The following SMCHD1 variants were observed in gnomAD, a reference collection of about 807,000 sequenced individuals.
SMCHD1 encodes the protein structural maintenance of chromosomes flexible hinge domain-containing protein 1.
In SMCHD1, 78 loss-of-function variants were observed where a neutral mutation model predicts 254.7. The observed-to-expected ratio is 0.31, with a 90% CI of 0.26 to 0.37. The LOEUF is 0.37. Ranked by LOEUF, SMCHD1 falls within the 10% of genes least tolerant of loss-of-function variation. SMCHD1 has a pLI of 1.00. For missense variants in SMCHD1, 1,840 were observed against 2,408.1 expected (o/e 0.76, Z 4.94); for synonymous variants, 766 against 794.9 (o/e 0.96, Z 0.61).
At chr18:2,683,521 G>A (rs545694592) in intron 5 of SMCHD1, among the ~76,000 whole-genome samples, 93 of 152,172 alleles carry the variant, frequency 6.1e-4, no homozygotes, top group African/African-American at 2.2e-3. Context: ...CATTTGTTGC[G>A]TTTTATGATC....
intron 30 of SMCHD1, 74 bp from the exon 31 acceptor site, chr18:2,749,969 T>C: frequency 7.7e-7 from 1 of 1,295,482 alleles, no homozygotes; most frequent in South Asian, 1.4e-5. Flanking sequence ...GGAAAGAACA[T>C]TGTAATGGAA....
At chr18:2,740,284 T>C (rs1167705431) in intron 27 of SMCHD1, among the ~76,000 whole-genome samples, 1 of 152,198 alleles carries the variant, frequency 6.6e-6, no homozygotes, top group Non-Finnish European at 1.5e-5. Flanking sequence ...TATGGCTGCA[T>C]AGTATTCCAT....
At chr18:2,749,398 G>C (rs1055827837) in intron 30 of SMCHD1, among the ~76,000 whole-genome samples, 1 of 152,154 alleles carries the variant, frequency 6.6e-6, no homozygotes, top group Non-Finnish European at 1.5e-5. Context: ...TTTGCTTCCA[G>C]TAGAGTTAGA....
chr18:2,748,136 G>C (rs1327579839), intron 30 of SMCHD1, among the ~76,000 whole-genome samples: 11 of 152,104 alleles, frequency 7.2e-5, no homozygotes, highest in Admixed American at 7.2e-4. Context: ...TTAGGGTGAG[G>C]CTCCTGCCCT....
At chr18:2,701,192 A>G (rs1235038052) in intron 12 of SMCHD1, 1 of 203,366 alleles carries the variant, frequency 4.9e-6, no homozygotes, top group Non-Finnish European at 9.7e-6. Context: ...CAGGAGTTTC[A>G]CTCTGTTTCC....
At chr18:2,759,672 C>T (rs1045137919) in intron 34 of SMCHD1, among the ~76,000 whole-genome samples, 2 of 146,522 alleles carry the variant, frequency 1.4e-5, no homozygotes, top group Admixed American at 7.1e-5. Flanking sequence ...CGGGTTCAAG[C>T]GATTCTCCTG....
At chr18:2,750,321 T>G in intron 31 of SMCHD1, 29 bp from the exon 32 acceptor site, 1 of 1,578,924 alleles carries the variant, frequency 6.3e-7, no homozygotes, top group South Asian at 1.2e-5. Flanking sequence ...TAATGTAATT[T>G]GAACCCCTCT....
intron 3 of SMCHD1, among the ~76,000 whole-genome samples, chr18:2,670,294 C>A (rs1253422753): frequency 6.6e-6 from 1 of 152,068 alleles, no homozygotes; most frequent in Non-Finnish European, 1.5e-5. Flanking sequence ...GAATGCTTTT[C>A]CTCCAGTTAG....
intron 7 of SMCHD1, among the ~76,000 whole-genome samples, chr18:2,689,699 G>A (rs1361363722): frequency 6.6e-6 from 1 of 151,780 alleles, no homozygotes; most frequent in Admixed American, 6.6e-5. Flanking sequence ...AAAGTGTTGG[G>A]ATTACGGGAA....
At chr18:2,776,936 A>G (rs2076075513) in intron 42 of SMCHD1, among the ~76,000 whole-genome samples, 1 of 152,104 alleles carries the variant, frequency 6.6e-6, no homozygotes, top group African/African-American at 2.4e-5. Flanking sequence ...TCACTTGCCC[A>G]GGCTGGAGTG....
rs774306466 is a variant in SMCHD1, at chr18:2,769,991, G to A, written c.4849G>A (p.Val1617Ile). 21 of 1,581,612 alleles carry A rather than the reference G, an allele frequency of 1.3e-5. No individual in the cohort carries two copies. Among genetic ancestry groups the A allele is most frequent in the Non-Finnish European group, 1.8e-5 (21 of 1,170,790 alleles). ...YILPFMFYND[V>I]KKQQQMAALT... ...ATTATCTCAATTTTTTTTCTTAGAT[G>A]TTAAGAAGCAGCAACAAATGGCAGC... is the stretch of plus-strand genomic sequence containing the variant. Residue 1617 changes from valine to isoleucine, a missense_variant and splice_region_variant, in exon 39 of 48, where the codon GTT (valine) becomes ATT (isoleucine). Physicochemically the swap from Val to Ile is conservative, Grantham distance 29. Transcript: ENST00000320876.
At chr18:2,782,744 C>CAAAAAAAAAAAAAAAAAAAAAAAAAAAA (rs779083565) in intron 44 of SMCHD1, among the ~76,000 whole-genome samples, 2 of 44,954 alleles carry the variant, frequency 4.4e-5, no homozygotes, top group African/African-American at 9.5e-5. Flanking sequence ...GACCACAACT[C>CAAAAAAAAAAAAAAAAAAAAAAAAAAAA]AAAAAAAAAA....
chr18:2,779,210 C>T (rs2076116105), intron 44 of SMCHD1, among the ~76,000 whole-genome samples: 1 of 152,182 alleles, frequency 6.6e-6, no homozygotes, highest in South Asian at 2.1e-4. Flanking sequence ...TATTAGTCCT[C>T]TTTGTAGATT....
In SMCHD1 at chr18:2,674,010, C is replaced by T. The variant is rs1210368832; in HGVS notation, c.508-5C>T. On this transcript the variant is annotated splice_polypyrimidine_tract_variant and splice_region_variant and intron_variant, in intron 4 of 47. Coordinates refer to ENST00000320876, the MANE Select transcript of SMCHD1 (RefSeq NM_015295.3). Reference sequence around the variant, plus strand: ...CTGTCTTTTTGAACTTATTTTGTTTCATAGCTTTTTGATGAAACACAAGGA... The same window carrying T: ...CTGTCTTTTTGAACTTATTTTGTTTTATAGCTTTTTGATGAAACACAAGGA... The T allele has an allele frequency of 3.8e-6, 6 of 1,572,868 alleles. No homozygotes were observed. The highest frequency in any genetic ancestry group is 2.0e-5 in the Admixed American group (1 of 51,238).
At chr18:2,782,364 T>C (rs575537832) in intron 44 of SMCHD1, among the ~76,000 whole-genome samples, 1 of 152,302 alleles carries the variant, frequency 6.6e-6, no homozygotes, top group East Asian at 1.9e-4. Context: ...AGCCAAACTG[T>C]CTGTCCTTCT....
At position 2,707,799 on chromosome 18, in the gene SMCHD1, A is replaced by G. The variant is rs2074554086; in HGVS notation, c.2147-8A>G. On this transcript the variant is annotated splice_region_variant and splice_polypyrimidine_tract_variant and intron_variant, in intron 16 of 47. Coordinates refer to ENST00000320876, the MANE Select transcript of SMCHD1 (RefSeq NM_015295.3). The stretch of plus-strand genomic sequence containing the variant: ...GTAATTAAGATACTTTTAATTTTTG[A>G]CTCATAGGTGCGTTAAGAATTGAAA... 1 of 1,585,360 alleles carries G rather than the reference A, an allele frequency of 6.3e-7. No homozygotes were observed. Among genetic ancestry groups the G allele is most frequent in the Non-Finnish European group, 8.6e-7 (1 of 1,168,160 alleles).
rs563114219 is a variant in SMCHD1, at chr18:2,676,601, T to C, written c.638+2456T>C. Among the ~76,000 whole-genome samples, 4 of 152,330 alleles carry C rather than the reference T, an allele frequency of 2.6e-5. No individual in the cohort carries two copies. In the East Asian group the frequency reaches 7.7e-4, roughly 29 times the overall value. ...AGAGGGAGATGTGAGAATTTCAGTT[T>C]GGAAATATTATTTGTAACTCTCATT... On this transcript the variant is annotated intron_variant, in intron 5 of 47. Transcript: ENST00000320876.
intron 30 of SMCHD1, among the ~76,000 whole-genome samples, chr18:2,748,590 T>C (rs2143607115): frequency 6.6e-6 from 1 of 152,076 alleles, no homozygotes; most frequent in South Asian, 2.1e-4. Context: ...AGACGGGGTT[T>C]CACCACGTTG....
rs765454844 is a variant in SMCHD1, at chr18:2,739,460, A to C, written c.3454A>C (p.Lys1152Gln). 1 of 1,613,294 alleles carries C rather than the reference A, an allele frequency of 6.2e-7. No homozygotes were observed. The highest frequency in any genetic ancestry group is 8.5e-7 in the Non-Finnish European group (1 of 1,179,488). The change falls in exon 27 of 48, where the codon AAA (lysine) becomes CAA (glutamine). Residue 1152 changes from lysine (K) to glutamine (Q), a missense_variant. Transcript: ENST00000320876. ...RPLPDEPKHL[K>Q]CEMKGGKTVQ... ...ACTTCCTGATGAACCTAAACATTTA[A>C]AATGTGAAATGAAAGGAGGAAAAAC...
Sources: allele counts gnomAD v4.1 joint callset (sites outside exome capture counted in the v4.1 genomes callset), GRCh38; gene constraint gnomAD v4.1.1; transcripts MANE v1.5; gene names NCBI Gene and HGNC (gene_info 2026-07-23, HGNC 2026-07-21).